Variants in UGT1A9 observed in about 807,000 individuals in gnomAD.
UGT1A9 encodes UDP glucuronosyltransferase family 1 member A9, also known as UDP-glucuronosyltransferase 1A9.
UGT1A9 carries 35 observed loss-of-function variants against 45.0 expected under a neutral mutation model. That is an observed-to-expected ratio of 0.78 (90% CI 0.59 to 1.03). UGT1A9 has a LOEUF of 1.03. Among genes scored for constraint, UGT1A9 ranks in the 50% least tolerant of loss-of-function variants. The probability of loss-of-function intolerance (pLI) is 0.00; values close to 1 mark genes in which losing one functional copy is unlikely to be tolerated. For missense variants in UGT1A9, 687 were observed against 666.6 expected, an observed-to-expected ratio of 1.03 and a Z score of -0.34; for synonymous variants, 278 against 250.6, an observed-to-expected ratio of 1.11 and a Z score of -1.03.
At chr2:233,755,448 G>A in intron 1 of UGT1A9, 1 of 310,232 alleles carries the variant, frequency 3.2e-6, no homozygotes, top group Non-Finnish European at 6.3e-6. Context: ...CAGTGCTCCT[G>A]GGACTGGCCC....
chr2:233,680,836 T>C (rs1240739585), intron 1 of UGT1A9, among the ~76,000 whole-genome samples: 3 of 151,842 alleles, frequency 2.0e-5, no homozygotes, highest in African/African-American at 7.3e-5. Context: ...AGAAGCAGAG[T>C]GGGCAGAGAG....
intron 1 of UGT1A9, among the ~76,000 whole-genome samples, chr2:233,720,687 C>A (rs1440399782): frequency 1.3e-5 from 2 of 151,626 alleles, no homozygotes; most frequent in Non-Finnish European, 2.9e-5. Flanking sequence ...GTTTCTAAAT[C>A]CATTAAGGGA....
intron 1 of UGT1A9, among the ~76,000 whole-genome samples, chr2:233,701,187 C>G (rs973108286): frequency 6.6e-6 from 1 of 152,116 alleles, no homozygotes; most frequent in Admixed American, 6.5e-5. Context: ...CATACATGTG[C>G]ATGTGTCTTT....
At chr2:233,689,976 G>C in intron 1 of UGT1A9, 1 of 454,072 alleles carries the variant, frequency 2.2e-6, no homozygotes, top group Non-Finnish European at 4.4e-6. Context: ...GAACCCACAG[G>C]CCCCTAAAAG....
chr2:233,679,228 TC>T (rs2074445655), intron 1 of UGT1A9, among the ~76,000 whole-genome samples: 1 of 152,250 alleles, frequency 6.6e-6, no homozygotes, highest in Admixed American at 6.5e-5. Flanking sequence ...TAGGGAATGG[TC>T]CAATATCGAA....
At chr2:233,732,616 A>G (rs1187431518) in intron 1 of UGT1A9, among the ~76,000 whole-genome samples, 2 of 152,194 alleles carry the variant, frequency 1.3e-5, no homozygotes, top group African/African-American at 4.8e-5. Flanking sequence ...AAATGGTTGT[A>G]GATGTGTGGT....
chr2:233,714,809 G>C (rs545646081), intron 1 of UGT1A9, among the ~76,000 whole-genome samples: 1 of 152,174 alleles, frequency 6.6e-6, no homozygotes, highest in Admixed American at 6.5e-5. Flanking sequence ...ATATTCATAT[G>C]TAGTTAGTGA....
At chr2:233,681,977 G>A in intron 1 of UGT1A9, 1 of 1,614,190 alleles carries the variant, frequency 6.2e-7, no homozygotes, top group East Asian at 2.2e-5. Flanking sequence ...TCCCCTATAT[G>A]TGTGTCTACT....
Position 233,722,831 on chromosome 2 carries a change from TAATAAG to T in UGT1A9, c.856-44199_856-44194del, listed in dbSNP as rs774819314. On this transcript the variant is annotated intron_variant, in intron 1 of 4. Coordinates refer to ENST00000354728, the MANE Select transcript of UGT1A9 (RefSeq NM_021027.3). ...TATTTTTTCAAGTTATTTTGTATTA[TAATAAG>T]AATGTTTCTTTTTTTTTTTTTTGAA... Among the ~76,000 whole-genome samples the T allele has an allele frequency of 7.7e-4, 116 of 149,718 alleles. 2 individuals are homozygous for T. The highest frequency in any genetic ancestry group is 2.2e-3 in the Admixed American group (33 of 14,992).
intron 1 of UGT1A9, chr2:233,748,062 A>T: frequency 6.2e-7 from 1 of 1,613,436 alleles, no homozygotes; most frequent in South Asian, 1.1e-5. Context: ...CTGTGCCAAC[A>T]GGAAGCCACT....
chr2:233,718,509 G>A (rs776286738), intron 1 of UGT1A9, among the ~76,000 whole-genome samples: 2 of 152,224 alleles, frequency 1.3e-5, no homozygotes, highest in Non-Finnish European at 2.9e-5. Flanking sequence ...GCAGTGACAT[G>A]AAATGGGTGT....
intron 1 of UGT1A9, among the ~76,000 whole-genome samples, chr2:233,736,127 C>T (rs143835193): frequency 0.028 from 4,197 of 152,268 alleles, 184 homozygotes; most frequent in African/African-American, 0.094. Flanking sequence ...TTCCATTCTC[C>T]GCATCACTTT....
chr2:233,748,333 G>A (rs1453810710), intron 1 of UGT1A9, among the ~76,000 whole-genome samples: 2 of 151,780 alleles, frequency 1.3e-5, no homozygotes, highest in Non-Finnish European at 2.9e-5. Flanking sequence ...GTGACTCATG[G>A]AGACTGTTCG....
chr2:233,769,773 T>C lies in UGT1A9; in HGVS notation c.1295+1334T>C. 4 of 1,392,024 alleles carry C rather than the reference T, an allele frequency of 2.9e-6. No individual in the cohort carries two copies. Among genetic ancestry groups the C allele is most frequent in the Non-Finnish European group, 2.8e-6 (3 of 1,065,432 alleles). 86.2% of individuals were successfully genotyped at this position (1,392,024 alleles called of 1,614,324 possible). A position where few individuals can be genotyped will look rare whatever the true frequency, so the allele number is the denominator to read the frequency against. ...TGGAGGCTAAGGCGGGAGGATTGCTTGAGCCCAGAAGTTGGAGGCTGCTAT... is the reference window on the plus strand; with the variant it reads ...TGGAGGCTAAGGCGGGAGGATTGCTCGAGCCCAGAAGTTGGAGGCTGCTAT... On this transcript the variant is annotated intron_variant, in intron 4 of 4. Transcript: ENST00000354728. This position sits in a 1 kb window ranked among gnomAD's most constrained non-coding sequence, Gnocchi z 4.4.
At chr2:233,684,386 C>T (rs868296633) in intron 1 of UGT1A9, among the ~76,000 whole-genome samples, 5 of 152,276 alleles carry the variant, frequency 3.3e-5, no homozygotes, top group Middle Eastern at 3.4e-3. Context: ...TCAATTACAG[C>T]ACCAGCCATC....
intron 1 of UGT1A9, chr2:233,743,548 C>T (rs61744897): frequency 1.5e-6 from 2 of 1,367,296 alleles, no homozygotes; most frequent in Non-Finnish European, 2.0e-6. Flanking sequence ...CTGACCCCCC[C>T]AAAATATTCT....
In UGT1A9 at chr2:233,760,894, CACATGACCTTCCTGCAGCGGGTGA is replaced by C. The variant is rs1553620849; in HGVS notation, c.856-6138_856-6115del. ...CAGGCCTCTCTCCTCTCATTCAGAT[CACATGACCTTCCTGCAGCGGGTGA>C]AGAACATGCTCATTGCCTTTTCACA... On this transcript the variant is annotated intron_variant, in intron 1 of 4. Coordinates refer to ENST00000354728, the MANE Select transcript of UGT1A9 (RefSeq NM_021027.3). The C allele has an allele frequency of 3.1e-6, 5 of 1,614,174 alleles. No homozygotes were observed. The highest frequency in any genetic ancestry group is 1.7e-5 in the Admixed American group (1 of 60,026).
Position 233,672,461 on chromosome 2 carries a change from A to G in UGT1A9, c.527A>G (p.Tyr176Cys), listed in dbSNP as rs1188660945. Residue 176 changes from tyrosine (Y) to cysteine (C), a missense_variant, in exon 1 of 5, where the codon TAT becomes TGT. By Grantham distance (194) the Tyr-to-Cys change is radical. Coordinates refer to ENST00000354728, the MANE Select transcript of UGT1A9 (RefSeq NM_021027.3). ...VVFARGILCHYLEEGAQCPAP... is the reference protein window; with the variant it reads ...VVFARGILCHCLEEGAQCPAP... ...TTCGCCAGGGGAATACTTTGCCACT[A>G]TCTTGAAGAAGGTGCACAGTGCCCT... is the stretch of plus-strand genomic sequence containing the variant. The G allele has an allele frequency of 1.2e-6, 2 of 1,613,944 alleles. No homozygotes were observed. Among genetic ancestry groups the G allele is most frequent in the Non-Finnish European group, 1.7e-6 (2 of 1,179,850 alleles).
intron 1 of UGT1A9, chr2:233,743,541 ACC>A (rs544018510): frequency 1.5e-6 from 2 of 1,366,832 alleles, no homozygotes; most frequent in Non-Finnish European, 2.0e-6. Context: ...AGTTCCTCTG[ACC>A]CCCCCAAAAT....
Sources: gnomAD v4.1 joint callset for allele counts (sites outside exome capture counted in the v4.1 genomes callset) on GRCh38, gnomAD v4.1.1 for gene constraint, Gnocchi (gnomAD v3.1) non-coding constraint, MANE v1.5 for transcripts, NCBI Gene and HGNC (gene_info 2026-07-23, HGNC 2026-07-21) for gene names.